RBFOX1: variants seen among roughly 807,000 people sequenced by gnomAD.
RBFOX1 encodes the protein RNA binding fox-1 homolog 1.
RBFOX1 carries 8 observed loss-of-function variants against 57.7 expected under a neutral mutation model. The ratio of observed to expected loss-of-function variants is 0.14; its 90% CI spans 0.08 to 0.25. The LOEUF is 0.25. Among genes scored for constraint, RBFOX1 ranks in the 10% least tolerant of loss-of-function variants. The pLI, the probability that RBFOX1 is intolerant of heterozygous loss-of-function variation, is 1.00. For synonymous variants in RBFOX1, 326 were observed against 222.4 expected, an observed-to-expected ratio of 1.47 and a Z score of -4.15; for missense variants, 611 against 548.5, an observed-to-expected ratio of 1.11 and a Z score of -1.14.
At position 5,560,652 on chromosome 16, in the gene RBFOX1, T is replaced by A. The variant is rs148297110; in HGVS notation, c.259-38250T>A. 1.8e-3 allele frequency among the ~76,000 whole-genome samples: 275 copies of A among 152,332 alleles called. 2 individuals carry two copies. Among genetic ancestry groups the A allele is most frequent in the Admixed American group, 4.2e-3 (65 of 15,296 alleles). ...AATGATTTTTCACCTTATGCTTTTA[T>A]TCCTTCATTTTTATCCAAACATCTC... On this transcript the variant is annotated intron_variant, in intron 2 of 2. Transcript: ENST00000585867.
At chr16:7,613,186 T>G (rs1168941117) in intron 10 of RBFOX1, among the ~76,000 whole-genome samples, 1 of 152,164 alleles carries the variant, frequency 6.6e-6, no homozygotes, top group African/African-American at 2.4e-5. Context: ...TATTTATTAT[T>G]AGTGGAATTT....
intron 2 of RBFOX1, among the ~76,000 whole-genome samples, chr16:6,317,740 G>A (rs926691262): frequency 6.6e-6 from 1 of 151,940 alleles, no homozygotes; most frequent in South Asian, 2.1e-4. Flanking sequence ...TAGCATTTGG[G>A]GTAGCACCTT....
At chr16:7,569,016 G>T (rs2092468611) in intron 5 of RBFOX1, among the ~76,000 whole-genome samples, 2 of 151,884 alleles carry the variant, frequency 1.3e-5, no homozygotes, top group South Asian at 4.2e-4. Context: ...GACAATTACG[G>T]TCATTGTCCT....
At chr16:7,470,238 T>A (rs865911184) in intron 4 of RBFOX1, among the ~76,000 whole-genome samples, 13 of 152,332 alleles carry the variant, frequency 8.5e-5, no homozygotes, top group African/African-American at 3.1e-4. Context: ...AAGAGCTGAT[T>A]TCTGTGTCTG....
intron 3 of RBFOX1, among the ~76,000 whole-genome samples, chr16:6,728,827 G>T (rs1196222915): frequency 6.6e-6 from 1 of 152,136 alleles, no homozygotes; most frequent in Admixed American, 6.5e-5. Context: ...TGGAATAGTT[G>T]ATCTAATTCA....
intron 3 of RBFOX1, among the ~76,000 whole-genome samples, chr16:6,782,557 G>T (rs971132019): frequency 6.6e-6 from 1 of 151,886 alleles, no homozygotes. Context: ...AATGCTTATT[G>T]ATTTCTAGTT....
At chr16:7,536,323 G>A (rs962616424) in intron 5 of RBFOX1, among the ~76,000 whole-genome samples, 1 of 152,252 alleles carries the variant, frequency 6.6e-6, no homozygotes, top group Non-Finnish European at 1.5e-5. Flanking sequence ...GCTGGGCGCG[G>A]TGGCTCATGC....
intron 3 of RBFOX1, among the ~76,000 whole-genome samples, chr16:7,051,306 C>G (rs1005351880): frequency 1.3e-5 from 2 of 152,184 alleles, no homozygotes; most frequent in Non-Finnish European, 2.9e-5. Flanking sequence ...TGTAATACGA[C>G]TCCACCCATC....
chr16:6,562,661 C>G (rs558023891), intron 2 of RBFOX1, among the ~76,000 whole-genome samples: 1 of 152,132 alleles, frequency 6.6e-6, no homozygotes, highest in East Asian at 1.9e-4. Flanking sequence ...GAGAAAGCAG[C>G]CATGAATCTG....
At chr16:6,211,271 C>T (rs2097296161) in intron 1 of RBFOX1, among the ~76,000 whole-genome samples, 1 of 140,820 alleles carries the variant, frequency 7.1e-6, no homozygotes, top group African/African-American at 2.5e-5. Flanking sequence ...CTTTGTCGCC[C>T]AGGCTGGAGG....
intron 3 of RBFOX1, among the ~76,000 whole-genome samples, chr16:6,771,901 TC>T (rs1415248223): frequency 6.6e-6 from 1 of 152,168 alleles, no homozygotes. Context: ...CCTTTGGTGT[TC>T]TTTGAAGGGG....
chr16:6,644,691 A>T (rs2098519386), intron 2 of RBFOX1, among the ~76,000 whole-genome samples: 1 of 152,212 alleles, frequency 6.6e-6, no homozygotes, highest in Admixed American at 6.5e-5. Context: ...AGAGTGAATG[A>T]CTGCAATAAT....
chr16:7,512,990 G>A (rs1463052327), intron 4 of RBFOX1, among the ~76,000 whole-genome samples: 1 of 152,148 alleles, frequency 6.6e-6, no homozygotes, highest in Non-Finnish European at 1.5e-5. Flanking sequence ...GTGGACAGGC[G>A]CGGTGGCTCA....
chr16:7,051,072 A>G (rs532695069), intron 3 of RBFOX1, among the ~76,000 whole-genome samples: 49 of 152,292 alleles, frequency 3.2e-4, no homozygotes, highest in African/African-American at 1.1e-3. Context: ...AAAAGTTTCA[A>G]AAACTTACAG....
intron 7 of RBFOX1, among the ~76,000 whole-genome samples, chr16:7,594,998 A>G (rs2094613489): frequency 1.3e-5 from 2 of 152,124 alleles, no homozygotes; most frequent in Non-Finnish European, 2.9e-5. Context: ...TTTAAGTTTT[A>G]TTTTTGAGAA....
At chr16:6,798,922 T>A (rs981112416) in intron 3 of RBFOX1, among the ~76,000 whole-genome samples, 1 of 152,202 alleles carries the variant, frequency 6.6e-6, no homozygotes, top group African/African-American at 2.4e-5. Flanking sequence ...AATTCTTGTT[T>A]TTAATATCTC....
At chr16:5,731,772 G>A (rs1194434519) in intron 3 of RBFOX1, among the ~76,000 whole-genome samples, 1 of 152,190 alleles carries the variant, frequency 6.6e-6, no homozygotes, top group Non-Finnish European at 1.5e-5. Context: ...AGGTCATGAA[G>A]AGGATAGATG....
chr16:6,868,951 T>C (rs914867103), intron 3 of RBFOX1, among the ~76,000 whole-genome samples: 1 of 152,160 alleles, frequency 6.6e-6, no homozygotes, highest in African/African-American at 2.4e-5. Context: ...CTTAGAGATT[T>C]TGGATACATG....
At chr16:5,241,656 T>G (rs1405772123) in intron 1 of RBFOX1, among the ~76,000 whole-genome samples, 1 of 152,224 alleles carries the variant, frequency 6.6e-6, no homozygotes, top group Non-Finnish European at 1.5e-5. Context: ...TGCCTGGGGT[T>G]GTTACTGCTG....
Sources: gnomAD v4.1 joint callset for allele counts (sites outside exome capture counted in the v4.1 genomes callset) on GRCh38, gnomAD v4.1.1 for gene constraint, MANE v1.5 for transcripts, NCBI Gene and HGNC (gene_info 2026-07-23, HGNC 2026-07-21) for gene names.